TGM5: variants seen among roughly 807,000 people sequenced by gnomAD.
TGM5 encodes the protein protein-glutamine gamma-glutamyltransferase 5.
TGM5 carries 69 observed loss-of-function variants against 77.2 expected under a neutral mutation model. The observed-to-expected ratio is 0.89, with a 90% CI of 0.74 to 1.09. The LOEUF (loss-of-function observed/expected upper bound fraction) is 1.09, where lower values mean the gene tolerates loss of function less well. Among genes scored for constraint, TGM5 ranks in the 50% least tolerant of loss-of-function variants. The probability of loss-of-function intolerance (pLI) is 0.00; values close to 1 mark genes in which losing one functional copy is unlikely to be tolerated. For synonymous variants in TGM5, 346 were observed against 351.8 expected, an observed-to-expected ratio of 0.98 and a Z score of 0.18; for missense variants, 842 against 896.5, an observed-to-expected ratio of 0.94 and a Z score of 0.78.
intron 5 of TGM5, among the ~76,000 whole-genome samples, chr15:43,253,172 C>G (rs1166606092): frequency 6.6e-6 from 1 of 152,162 alleles, no homozygotes; most frequent in Non-Finnish European, 1.5e-5. Flanking sequence ...TACCCATGTC[C>G]TCCCATCCCC....
At chr15:43,263,173 A>G (rs894974687) in intron 1 of TGM5, among the ~76,000 whole-genome samples, 2 of 152,256 alleles carry the variant, frequency 1.3e-5, no homozygotes, top group African/African-American at 2.4e-5. Flanking sequence ...TGCAAAGCCT[A>G]TATCACAAAA....
At chr15:43,249,862 A>G (rs1270369163) in intron 6 of TGM5, among the ~76,000 whole-genome samples, 1 of 152,246 alleles carries the variant, frequency 6.6e-6, no homozygotes, top group East Asian at 1.9e-4. Context: ...GTTGAAGTCA[A>G]TGTGTCAACG....
chr15:43,233,043 GAC>G lies in TGM5; in HGVS notation c.*146_*147del. The G allele has an allele frequency of 1.0e-6, 1 of 971,472 alleles. No individual in the cohort carries two copies. Among genetic ancestry groups the G allele is most frequent in the Middle Eastern group, 2.6e-4 (1 of 3,782 alleles). 60.2% of individuals were successfully genotyped at this position (971,472 alleles called of 1,614,324 possible). ...TTAAATTTCTAGTGGAGTCAGGAGA[GAC>G]AGAAAATGAACACGTCATCCCCTCT... On this transcript the variant is annotated 3_prime_UTR_variant, in exon 13 of 13. Coordinates refer to ENST00000220420, the MANE Select transcript of TGM5 (RefSeq NM_201631.4).
intron 6 of TGM5, among the ~76,000 whole-genome samples, chr15:43,252,121 C>T (rs1370853091): frequency 1.3e-5 from 2 of 152,204 alleles, no homozygotes; most frequent in Non-Finnish European, 2.9e-5. Flanking sequence ...TTCCTAATTA[C>T]TCAGCCTCTC....
At position 43,234,840 on chromosome 15, in the gene TGM5, C is replaced by T. The variant is rs138702942; in HGVS notation, c.1804G>A (p.Glu602Lys). 1.9e-6 allele frequency: 3 copies of T among 1,614,214 alleles called. No homozygotes were observed. Among genetic ancestry groups the T allele is most frequent in the Non-Finnish European group, 2.5e-6 (3 of 1,180,044 alleles). ...KLIRISALGEEKSSPEKILVN... is the reference protein window; with the variant it reads ...KLIRISALGEKKSSPEKILVN... ...AGGATTTTCTCAGGACTGCTTTTCT[C>T]TTCACCCAGGGCACTGATGCGGATC... The change falls in exon 11 of 13, where the codon GAG becomes AAG. Residue 602 changes from glutamate to lysine, a missense_variant. Physicochemically the swap from Glu to Lys is moderately conservative, Grantham distance 56. Transcript: ENST00000220420.
chr15:43,264,776 T>C (rs2042813717), intron 1 of TGM5, among the ~76,000 whole-genome samples: 1 of 152,256 alleles, frequency 6.6e-6, no homozygotes, highest in South Asian at 2.1e-4. Flanking sequence ...ATATGAATTA[T>C]ATCTCAATAA....
intron 6 of TGM5, among the ~76,000 whole-genome samples, chr15:43,250,977 G>A (rs1382108712): frequency 6.6e-6 from 1 of 152,212 alleles, no homozygotes; most frequent in African/African-American, 2.4e-5. Context: ...TCATCACGCA[G>A]TTCCAGACAA....
At chr15:43,248,034 G>T (rs913001220) in intron 6 of TGM5, among the ~76,000 whole-genome samples, 1 of 152,148 alleles carries the variant, frequency 6.6e-6, no homozygotes, top group African/African-American at 2.4e-5. Context: ...ACAAAGAGGG[G>T]CCTGAGCAGA....
intron 6 of TGM5, among the ~76,000 whole-genome samples, chr15:43,249,767 T>G (rs917782825): frequency 2.0e-5 from 3 of 152,226 alleles, no homozygotes; most frequent in Admixed American, 2.0e-4. Context: ...AATTCTCAAG[T>G]AACAGGCAAC....
intron 6 of TGM5, among the ~76,000 whole-genome samples, chr15:43,251,446 C>T (rs2042702870): frequency 6.6e-6 from 1 of 152,138 alleles, no homozygotes; most frequent in Non-Finnish European, 1.5e-5. Context: ...ACACGAAATG[C>T]AACAAACTTT....
At chr15:43,253,704 T>A in intron 4 of TGM5, 70 bp from the exon 5 acceptor site, 2 of 1,587,352 alleles carry the variant, frequency 1.3e-6, no homozygotes, top group Non-Finnish European at 1.7e-6. Flanking sequence ...AAGTAATGAC[T>A]TCCCCCCAAC....
At chr15:43,236,657 C>T (rs983581638) in intron 9 of TGM5, among the ~76,000 whole-genome samples, 2 of 152,136 alleles carry the variant, frequency 1.3e-5, no homozygotes, top group African/African-American at 2.4e-5. Context: ...AATCTGGAGA[C>T]ATTTGCTTCA....
At chr15:43,248,275 C>A (rs1419300062) in intron 6 of TGM5, among the ~76,000 whole-genome samples, 2 of 152,162 alleles carry the variant, frequency 1.3e-5, no homozygotes, top group Non-Finnish European at 2.9e-5. Flanking sequence ...CAGGTTCATG[C>A]CATTTTCCTG....
chr15:43,235,621 T>C lies in TGM5; in HGVS notation c.1562A>G (p.Gln521Arg), dbSNP rs35985214. 26,139 of 1,614,168 alleles carry C rather than the reference T, an allele frequency of 0.016. 285 individuals are homozygous for C. Among genetic ancestry groups the C allele is most frequent in the Non-Finnish European group, 0.018 (21,345 of 1,180,034 alleles). ...FKLLDPPNMG[Q>R]DICFVLLALN... The stretch of plus-strand genomic sequence containing the variant: ...GGCCAGCAGGACAAAGCATATATCC[T>C]GGCCCATGTTGGGCGGGTCGAGCAG... Residue 521 changes from glutamine (Q) to arginine (R), a missense_variant, in exon 10 of 13, where the codon CAG (glutamine) becomes CGG (arginine). This residue lies in a region of TGM5 where 815 missense variants were observed against 844.6 expected (regional missense o/e 0.96). Coordinates refer to ENST00000220420, the MANE Select transcript of TGM5 (RefSeq NM_201631.4).
chr15:43,233,223 A>G lies in TGM5; in HGVS notation c.2131T>C (p.Tyr711His), dbSNP rs2042559345. Residue 711 changes from tyrosine to histidine, a missense_variant, in exon 13 of 13, where the codon TAC (tyrosine) becomes CAC (histidine). By Grantham distance (83) the Tyr-to-His change is moderately conservative (BLOSUM62 2). Around this residue, in one of 2 missense-constraint regions of TGM5, gnomAD observed 27 missense variants for 51.8 expected, o/e 0.52. Transcript: ENST00000220420. ...GCAAAGTCTACATAAACATTCCTGT[A>G]ACCCTTAATGTCCTTAAACTTGTTG... is the stretch of plus-strand genomic sequence containing the variant. ...RSNKFKDIKG[Y>H]RNVYVDFAL The G allele has an allele frequency of 6.2e-7, 1 of 1,614,064 alleles. No individual in the cohort carries two copies. The highest frequency in any genetic ancestry group is 1.7e-5 in the Admixed American group (1 of 60,004).
In TGM5 at chr15:43,235,539, C is replaced by T. The variant is rs774183986; in HGVS notation, c.1644G>A (p.Leu548=). 6.2e-7 allele frequency: 1 copy of T among 1,614,174 alleles called. No individual in the cohort carries two copies. The highest frequency in any genetic ancestry group is 8.5e-7 in the Non-Finnish European group (1 of 1,180,018). The change falls in exon 10 of 13, where the codon CTG becomes CTA. Residue 548 remains leucine, a synonymous_variant. Coordinates refer to ENST00000220420, the MANE Select transcript of TGM5 (RefSeq NM_201631.4). ...GGGACAGGGGGCTGCCATCGTGCAG[C>T]AGAGACTGGGCACTCAGGTTCACTT... ...DLKVNLSAQS[L]LHDGSPLSPF...
rs756106949 is a variant in TGM5, at chr15:43,256,679, A to T, written c.444T>A (p.Ala148=). The T allele has an allele frequency of 6.2e-7, 1 of 1,611,454 alleles. No individual in the cohort carries two copies. The highest frequency in any genetic ancestry group is 1.3e-5 in the African/African-American group (1 of 74,860). Residue 148 remains alanine, a synonymous_variant, in exon 4 of 13, where the codon GCT becomes GCA. Transcript: ENST00000220420. ...TCTGGGGTTCACTGTCCAAGTAGAC[A>T]GCATCCTCTAGGAACCAGAGTGGGA... ...LLFNPWCPED[A]VYLDSEPQRQ...
At chr15:43,243,839 G>T (rs1419052444) in intron 6 of TGM5, among the ~76,000 whole-genome samples, 2 of 152,112 alleles carry the variant, frequency 1.3e-5, no homozygotes, top group African/African-American at 2.4e-5. Flanking sequence ...ATCATCATAG[G>T]TACCAGGCAT....
Position 43,238,820 on chromosome 15 carries a change from C to G in TGM5, c.1342G>C (p.Glu448Gln). 1 of 1,613,950 alleles carries G rather than the reference C, an allele frequency of 6.2e-7. No homozygotes were observed. The highest frequency in any genetic ancestry group is 2.2e-5 in the East Asian group (1 of 44,866). Residue 448 changes from glutamate to glutamine, a missense_variant, in exon 9 of 13, where the codon GAA becomes CAA. This residue lies in a region of TGM5 where 815 missense variants were observed against 844.6 expected (regional missense o/e 0.96). Transcript: ENST00000220420. ...TAGGGCTGGCTTGCTTACTTACCTTCTTCATACTTGTAGTTCTCTGTGATG... is the reference window on the plus strand; with the variant it reads ...TAGGGCTGGCTTGCTTACTTACCTTGTTCATACTTGTAGTTCTCTGTGATG... ...DDITENYKYEEGSLQERQVFL... is the reference protein window; with the variant it reads ...DDITENYKYEQGSLQERQVFL...
Sources: gnomAD v4.1 joint callset for allele counts (sites outside exome capture counted in the v4.1 genomes callset) on GRCh38, gnomAD v4.1.1 for gene constraint, gnomAD v4.1.1 regional missense constraint, MANE v1.5 for transcripts, NCBI Gene and HGNC (gene_info 2026-07-23, HGNC 2026-07-21) for gene names.